ZNF414: variants seen among roughly 807,000 people sequenced by gnomAD.
The protein encoded by ZNF414 is zinc finger protein 414.
ZNF414 carries 32 observed loss-of-function variants against 38.3 expected under a neutral mutation model. The observed-to-expected ratio is 0.83, with a 90% confidence interval of 0.63 to 1.12. ZNF414 has a LOEUF of 1.12. ZNF414 is among the 50% of genes most tolerant of loss of function. ZNF414 has a pLI of 0.00. For synonymous variants in ZNF414, 256 were observed against 248.0 expected, an observed-to-expected ratio of 1.03 and a Z score of -0.30; for missense variants, 589 against 557.4, an observed-to-expected ratio of 1.06 and a Z score of -0.57.
Position 8,510,703 on chromosome 19 carries a change from G to A in ZNF414, c.1161C>T (p.Phe387=), listed in dbSNP as rs1395884456. The change falls in exon 8 of 8, where the codon TTC becomes TTT. Residue 387 remains phenylalanine, a synonymous_variant. Transcript: ENST00000393927. ...AAAGCGGCGGGATTCAGAGCTGCGAGAACACTGGAAGCTCCCCCTCTGACA... is the reference window on the plus strand; with the variant it reads ...AAAGCGGCGGGATTCAGAGCTGCGAAAACACTGGAAGCTCCCCCTCTGACA... ...PLLSEGELPV[F]SQL is the part of the protein sequence containing the mutation. 6.5e-7 allele frequency: 1 copy of A among 1,548,570 alleles called. No homozygotes were observed. The highest frequency in any genetic ancestry group is 8.7e-7 in the Non-Finnish European group (1 of 1,145,244).
rs1173807505 is a variant in ZNF414 at position 8,511,524 on chromosome 19, C to A, written c.887G>T (p.Ser296Ile). The change falls in exon 6 of 8, where the codon AGC (serine) becomes ATC (isoleucine). Residue 296 changes from serine (S) to isoleucine (I), a missense_variant. Physicochemically the swap from Ser to Ile is moderately radical, Grantham distance 142 (BLOSUM62 -2). Transcript: ENST00000393927. ...VWKKSQGAGS[S>I]PRRPQGGSDA... is the part of the protein sequence containing the mutation. The stretch of plus-strand genomic sequence containing the variant: ...GGAGCCGCCCTGGGGTCTTCGGGGG[C>A]TGCTGCCAGCACCTGCGGTAAAGGG... 1 of 1,602,714 alleles carries A rather than the reference C, an allele frequency of 6.2e-7. No homozygotes were observed. The highest frequency in any genetic ancestry group is 1.7e-5 in the Admixed American group (1 of 58,046).
At chr19:8,511,591 C>T (rs764091097) in intron 5 of ZNF414, 26 bp downstream of exon 5, 133 of 1,527,760 alleles carry the variant, frequency 8.7e-5, no homozygotes, top group East Asian at 2.8e-4. Flanking sequence ...GCCAGCCCTC[C>T]TGGAGGCCCC....
chr19:8,512,906 C>A, intron 2 of ZNF414, 123 bp downstream of exon 2: 1 of 1,303,188 alleles, frequency 7.7e-7, no homozygotes, highest in Non-Finnish European at 1.0e-6. Flanking sequence ...TGGCATCCAC[C>A]GGCTGCTCCG....
At position 8,513,979 on chromosome 19, in the gene ZNF414, G is replaced by C. The variant is rs999305497; in HGVS notation, c.3+65C>G. On this transcript the variant is annotated intron_variant, in intron 1 of 7. Coordinates refer to ENST00000393927, the MANE Select transcript of ZNF414 (RefSeq NM_001146175.2). ...GGGGTCGGCCGGAGGCTGTAGGCGC[G>C]ACAGGGCCGCTCCCCGCCAGTCCCC... 7 of 1,380,906 alleles carry C rather than the reference G, an allele frequency of 5.1e-6. No homozygotes were observed. In the East Asian group the frequency reaches 1.5e-4, roughly 30 times the overall value. 85.5% of individuals were successfully genotyped at this position (1,380,906 alleles called of 1,614,324 possible). A position where few individuals can be genotyped will look rare whatever the true frequency, so the allele number is the denominator to read the frequency against.
In ZNF414 at chr19:8,510,424, G is replaced by A; in HGVS notation, c.*267C>T. ...AACCACAGCTGGAGGTGGGGACCTG[G>A]GTCCCAGGATTGGGGTGATGGGAAG... On this transcript the variant is annotated 3_prime_UTR_variant, in exon 8 of 8. Coordinates refer to ENST00000393927, the MANE Select transcript of ZNF414 (RefSeq NM_001146175.2). The A allele has an allele frequency of 2.9e-6, 1 of 344,244 alleles. No homozygotes were observed. The allele number at this position is 344,244 out of a possible 1,614,324, so 21.3% of individuals were successfully genotyped here.
At position 8,511,968 on chromosome 19, in the gene ZNF414, T is replaced by G. The variant is rs1599891329; in HGVS notation, c.531-8A>C. ...AGGAGGCAGTTCTCACACCTGGAGGTGGGCAGAGGGCTGGGCTGGGCTGGG... is the reference window on the plus strand; with the variant it reads ...AGGAGGCAGTTCTCACACCTGGAGGGGGGCAGAGGGCTGGGCTGGGCTGGG... On this transcript the variant is annotated splice_region_variant and splice_polypyrimidine_tract_variant and intron_variant, in intron 4 of 7. Transcript: ENST00000393927. The G allele has an allele frequency of 7.1e-7, 1 of 1,407,216 alleles. No homozygotes were observed. Among genetic ancestry groups the G allele is most frequent in the Non-Finnish European group, 9.2e-7 (1 of 1,088,980 alleles). 87.2% of individuals were successfully genotyped at this position (1,407,216 alleles called of 1,614,324 possible). A position where few individuals can be genotyped will look rare whatever the true frequency, so the allele number is the denominator to read the frequency against.
chr19:8,513,887 C>A (rs372370646), intron 1 of ZNF414, among the ~76,000 whole-genome samples, 157 bp downstream of exon 1: 2 of 152,164 alleles, frequency 1.3e-5, no homozygotes, highest in African/African-American at 2.4e-5. Context: ...CCATTCCGGG[C>A]CGGGCCCGGA....
intron 1 of ZNF414, 151 bp downstream of exon 1, chr19:8,513,893 C>T: frequency 9.9e-7 from 1 of 1,011,226 alleles, no homozygotes; most frequent in Non-Finnish European, 1.3e-6. Context: ...CGGGCCGGGC[C>T]CGGAAGTAGG....
rs201082560 is a variant in ZNF414 at position 8,511,061 on chromosome 19, C to G, written c.926-37G>C. The G allele has an allele frequency of 4.6e-4, 586 of 1,286,904 alleles. 4 individuals are homozygous for G. The East Asian group carries it at 0.015, about 33-fold the overall frequency. The allele number at this position is 1,286,904 out of a possible 1,614,324, so 79.7% of individuals were successfully genotyped here. On this transcript the variant is annotated intron_variant, in intron 6 of 7. Transcript: ENST00000393927. ...CGGGACCCCGTCAGTCCCGGGCTCC[C>G]CCAGCCCAGAAGACCCGTGCGCCAA...
intron 1 of ZNF414, 45 bp downstream of exon 1, chr19:8,513,999 G>A (rs1338373312): frequency 7.0e-7 from 1 of 1,425,158 alleles, no homozygotes; most frequent in Admixed American, 2.8e-5. Context: ...CTCCCCGCCA[G>A]TCCCCGCAGC....
rs1487082455 is a variant in ZNF414, at chr19:8,512,503, TGAA to T, written c.425-14_425-12del. The T allele has an allele frequency of 6.2e-7, 1 of 1,613,734 alleles. No individual in the cohort carries two copies. The highest frequency in any genetic ancestry group is 8.5e-7 in the Non-Finnish European group (1 of 1,179,954). Reference sequence around the variant, plus strand: ...AGCGGAAGAGCTTGCCTGGTAGGGATGAAGGACAGAGAAGTGGAGACAGGTGGC... The same window carrying T: ...AGCGGAAGAGCTTGCCTGGTAGGGATGGACAGAGAAGTGGAGACAGGTGGC... On this transcript the variant is annotated splice_polypyrimidine_tract_variant and intron_variant, in intron 3 of 7. Coordinates refer to ENST00000393927, the MANE Select transcript of ZNF414 (RefSeq NM_001146175.2).
At chr19:8,512,769 C>T in intron 2 of ZNF414, 58 bp from the exon 3 acceptor site, 1 of 1,410,124 alleles carries the variant, frequency 7.1e-7, no homozygotes, top group Non-Finnish European at 9.4e-7. Context: ...CTGTCCCTGA[C>T]CCCAGGGTTC....
rs1199292680 is a variant in ZNF414 at position 8,511,556 on chromosome 19, C to G, written c.875-20G>C. On this transcript the variant is annotated intron_variant, in intron 5 of 7. Transcript: ENST00000393927. The stretch of plus-strand genomic sequence containing the variant: ...CAGCACCTGCGGTAAAGGGGCGGGT[C>G]AAGTTCAGAGTCAGGGCGAGCCCAG... 1 of 1,585,386 alleles carries G rather than the reference C, an allele frequency of 6.3e-7. No individual in the cohort carries two copies. Among genetic ancestry groups the G allele is most frequent in the East Asian group, 2.3e-5 (1 of 43,386 alleles).
rs776124515 is a variant in ZNF414 at position 8,512,728 on chromosome 19, A to G, written c.317-17T>C. The G allele has an allele frequency of 1.3e-6, 2 of 1,489,502 alleles. No homozygotes were observed. The highest frequency in any genetic ancestry group is 2.7e-5 in the South Asian group (2 of 72,962). The allele number at this position is 1,489,502 out of a possible 1,614,324, so 92.3% of individuals were successfully genotyped here. On this transcript the variant is annotated splice_polypyrimidine_tract_variant and intron_variant, in intron 2 of 7. Transcript: ENST00000393927. ...TTTGCTTCCCTGCAGGACGCACAGA[A>G]CAGTGGTCACTGGTCCCTTCCTCAC... is the stretch of plus-strand genomic sequence containing the variant.
chr19:8,511,446 A>C (rs1329221154), intron 6 of ZNF414, 40 bp downstream of exon 6: 7 of 1,604,776 alleles, frequency 4.4e-6, no homozygotes, highest in Non-Finnish European at 5.9e-6. Context: ...CGCAGGAAAG[A>C]AAGCCCCTCC....
In ZNF414 at chr19:8,511,107, G is replaced by A. The variant is rs1351179884; in HGVS notation, c.926-83C>T. 8 of 1,284,246 alleles carry A rather than the reference G, an allele frequency of 6.2e-6. No homozygotes were observed. In the South Asian group the frequency reaches 1.0e-4, roughly 16 times the overall value. 79.6% of individuals were successfully genotyped at this position (1,284,246 alleles called of 1,614,324 possible). On this transcript the variant is annotated intron_variant, in intron 6 of 7. Coordinates refer to ENST00000393927, the MANE Select transcript of ZNF414 (RefSeq NM_001146175.2). ...GCCAAGGATGGAGGACGCCGGCGAG[G>A]GTGGGTGGGACTTTTTCCCGCCCCC...
chr19:8,512,288 C>T (rs893573643), intron 4 of ZNF414, 99 bp downstream of exon 4: 5 of 1,519,668 alleles, frequency 3.3e-6, no homozygotes, highest in Non-Finnish European at 3.6e-6. Flanking sequence ...CACATCAAGT[C>T]CCGCCCTCCA....
chr19:8,511,906 C>G lies in ZNF414; in HGVS notation c.585G>C (p.Leu195=). The G allele has an allele frequency of 7.1e-7, 1 of 1,413,410 alleles. No individual in the cohort carries two copies. The highest frequency in any genetic ancestry group is 1.7e-5 in the South Asian group (1 of 59,494). The allele number at this position is 1,413,410 out of a possible 1,614,324, so 87.6% of individuals were successfully genotyped here. ...FRTHRSLFKH[L]HVCAEHAQSP... ...TCTGCGCATGCTCCGCGCAAACATGCAGGTGCTTGAAGAGCGAGCGGTGCG... is the reference window on the plus strand; with the variant it reads ...TCTGCGCATGCTCCGCGCAAACATGGAGGTGCTTGAAGAGCGAGCGGTGCG... Residue 195 remains leucine (L), a synonymous_variant, in exon 5 of 8, where the codon CTG becomes CTC. Transcript: ENST00000393927.
intron 6 of ZNF414, 62 bp from the exon 7 acceptor site, chr19:8,511,086 A>G: frequency 7.8e-7 from 1 of 1,282,298 alleles, no homozygotes; most frequent in South Asian, 2.6e-5. Flanking sequence ...CCGTGCGCCA[A>G]GGATGGAGGA....
Sources: gnomAD v4.1 joint callset for allele counts (sites outside exome capture counted in the v4.1 genomes callset) on GRCh38, gnomAD v4.1.1 for gene constraint, MANE v1.5 for transcripts, NCBI Gene and HGNC (gene_info 2026-07-23, HGNC 2026-07-21) for gene names.